FLNB: variants seen among roughly 807,000 people sequenced by gnomAD.
FLNB encodes filamin-B.
FLNB carries 111 observed loss-of-function variants against 250.6 expected under a neutral mutation model. The observed-to-expected ratio is 0.44, with a 90% CI of 0.38 to 0.52. The LOEUF (loss-of-function observed/expected upper bound fraction) is 0.52. Among genes scored for constraint, FLNB ranks in the 20% least tolerant of loss-of-function variants. The probability of loss-of-function intolerance (pLI) is 0.00; values close to 1 mark genes in which losing one functional copy is unlikely to be tolerated. For synonymous variants in FLNB, 1,302 were observed against 1,372.1 expected (o/e 0.95, Z 1.13); for missense variants, 2,869 against 3,447.8 (o/e 0.83, Z 4.20).
chr3:58,035,500 C>A (rs943467331), intron 1 of FLNB, among the ~76,000 whole-genome samples: 1 of 152,040 alleles, frequency 6.6e-6, no homozygotes, highest in African/African-American at 2.4e-5. Flanking sequence ...ATGTACCCCA[C>A]CCCCAACTTT....
At chr3:58,166,015 C>G (rs1158851689) in intron 43 of FLNB, 1 of 152,008 alleles carries the variant, frequency 6.6e-6, no homozygotes, top group Non-Finnish European at 1.5e-5. Flanking sequence ...TGCTTTAGCT[C>G]CAAGTTGGAC....
rs567046834 is a variant in FLNB, at chr3:58,092,117, C to T, written c.788-2719C>T. ...CATAAACAGTTTCTGCTGAAGAGAA[C>T]GTCCATATGACAAAAAAACACATCG... On this transcript the variant is annotated intron_variant, in intron 4 of 45. Coordinates refer to ENST00000295956, the MANE Select transcript of FLNB (RefSeq NM_001457.4). Among the ~76,000 whole-genome samples, 5 of 152,250 alleles carry T rather than the reference C, an allele frequency of 3.3e-5. No individual in the cohort carries two copies. The South Asian group carries it at 6.2e-4, about 19-fold the overall frequency.
intron 5 of FLNB, among the ~76,000 whole-genome samples, chr3:58,095,363 G>T (rs138861008): frequency 1.3e-5 from 2 of 151,986 alleles, no homozygotes; most frequent in Non-Finnish European, 2.9e-5. Flanking sequence ...GCCTCAGCCC[G>T]GCTAATTTTT....
Position 58,142,746 on chromosome 3 carries a change from A to C in FLNB, c.5278A>C (p.Ile1760Leu). ...TCCGTTTGCTGTCAGGAAAGGAGAA[A>C]TCACTGGTAAGCACTTGCCATAAAG... is the stretch of plus-strand genomic sequence containing the variant. ...VIPFAVRKGE[I>L]TGEVHMPSGK... is the part of the protein sequence containing the mutation. The change falls in exon 31 of 46, where the codon ATC becomes CTC. Residue 1760 changes from isoleucine to leucine, a missense_variant. Coordinates refer to ENST00000295956, the MANE Select transcript of FLNB (RefSeq NM_001457.4). This position sits in a 1 kb window ranked among gnomAD's most constrained non-coding sequence, Gnocchi z 4.3. The C allele has an allele frequency of 2.5e-6, 4 of 1,613,884 alleles. No individual in the cohort carries two copies. Among genetic ancestry groups the C allele is most frequent in the Non-Finnish European group, 3.4e-6 (4 of 1,179,736 alleles).
intron 31 of FLNB, 100 bp from the exon 32 acceptor site, chr3:58,143,373 T>A (rs1326480543): frequency 3.1e-6 from 4 of 1,271,710 alleles, no homozygotes; most frequent in Non-Finnish European, 4.5e-6. Context: ...TGTTCTTGGG[T>A]CTGGAAACCT....
chr3:58,163,133 T>C, intron 42 of FLNB, 21 bp from the exon 43 acceptor site: 1 of 1,613,814 alleles, frequency 6.2e-7, no homozygotes, highest in Non-Finnish European at 8.5e-7. Flanking sequence ...TTTCACCCTG[T>C]GCCTTTGCTC....
At chr3:58,042,609 G>A (rs1305438867) in intron 1 of FLNB, among the ~76,000 whole-genome samples, 1 of 152,010 alleles carries the variant, frequency 6.6e-6, no homozygotes, top group Non-Finnish European at 1.5e-5. Flanking sequence ...CAACCTCCCA[G>A]GCTTAAGGGA....
chr3:58,110,428 A>AT (rs988505239), intron 16 of FLNB, among the ~76,000 whole-genome samples: 6 of 145,142 alleles, frequency 4.1e-5, no homozygotes, highest in Admixed American at 7.0e-5. Context: ...CACCCAGCTA[A>AT]TTTTTTTTTA....
intron 20 of FLNB, among the ~76,000 whole-genome samples, chr3:58,122,354 G>A (rs1559709183): frequency 1.3e-5 from 2 of 150,674 alleles, no homozygotes; most frequent in Non-Finnish European, 3.0e-5. Flanking sequence ...TTAGCTGGGT[G>A]TGGTGACGCA....
chr3:58,020,821 A>G (rs1451813186), intron 1 of FLNB, among the ~76,000 whole-genome samples: 2 of 151,876 alleles, frequency 1.3e-5, no homozygotes, highest in Non-Finnish European at 2.9e-5. Flanking sequence ...GATTTGTGGC[A>G]GGCACTATGT....
intron 4 of FLNB, among the ~76,000 whole-genome samples, chr3:58,092,847 G>C (rs962582536): frequency 6.6e-6 from 1 of 152,038 alleles, no homozygotes; most frequent in Non-Finnish European, 1.5e-5. Flanking sequence ...TTTCGCTTCC[G>C]GTCACCAAAA....
At chr3:58,065,199 G>A (rs1024180950) in intron 1 of FLNB, among the ~76,000 whole-genome samples, 62 of 152,296 alleles carry the variant, frequency 4.1e-4, no homozygotes, top group African/African-American at 1.3e-3. Context: ...CCTCGGCAGC[G>A]CAGGCATCAT....
intron 8 of FLNB, among the ~76,000 whole-genome samples, chr3:58,100,629 ACT>A (rs1337842691): frequency 2.4e-5 from 3 of 125,714 alleles, no homozygotes; most frequent in African/African-American, 9.7e-5. Flanking sequence ...ACAGAGTCTC[ACT>A]CTCTCACCCA....
Position 58,081,721 on chromosome 3 carries a change from G to C in FLNB, c.732G>C (p.Pro244=). Residue 244 remains proline, a synonymous_variant, in exon 4 of 46, where the codon CCG becomes CCC. Transcript: ENST00000295956. ...LSQFPKAKLK[P]GAPLKPKLNP... ...AGTTCCCCAAAGCCAAGCTCAAGCC[G>C]GGGGCTCCTCTCAAACCCAAACTCA... The C allele has an allele frequency of 6.2e-7, 1 of 1,613,962 alleles. No homozygotes were observed. The highest frequency in any genetic ancestry group is 8.5e-7 in the Non-Finnish European group (1 of 1,179,944).
chr3:58,029,400 G>T (rs1031562482), intron 1 of FLNB, among the ~76,000 whole-genome samples: 4 of 152,096 alleles, frequency 2.6e-5, no homozygotes, highest in Admixed American at 6.5e-5. Context: ...TGGGATAATG[G>T]GATATGAAGC....
At chr3:58,133,452 A>G (rs1253138412) in intron 26 of FLNB, among the ~76,000 whole-genome samples, 9 of 150,186 alleles carry the variant, frequency 6.0e-5, no homozygotes, top group East Asian at 1.9e-4. Flanking sequence ...AAAAAAAAAA[A>G]AAAAAAAAAA....
intron 1 of FLNB, among the ~76,000 whole-genome samples, chr3:58,061,317 T>A (rs555801131): frequency 1.4e-4 from 22 of 152,214 alleles, no homozygotes; most frequent in African/African-American, 1.7e-4. Flanking sequence ...TACCTGTTGA[T>A]TTTCCCACGT....
chr3:58,159,774 C>A, intron 42 of FLNB, 88 bp downstream of exon 42: 5 of 1,397,952 alleles, frequency 3.6e-6, no homozygotes, highest in South Asian at 2.4e-5. Context: ...GAGGGCTGAT[C>A]AGTTTCATTA....
chr3:58,112,397 C>A, intron 18 of FLNB, 79 bp downstream of exon 18: 1 of 1,433,384 alleles, frequency 7.0e-7, no homozygotes, highest in Non-Finnish European at 9.8e-7. Context: ...TCACTGTGGA[C>A]ACCAAGGGGT....
Sources: gnomAD v4.1 joint callset for allele counts (sites outside exome capture counted in the v4.1 genomes callset) on GRCh38, gnomAD v4.1.1 for gene constraint, Gnocchi (gnomAD v3.1) non-coding constraint, MANE v1.5 for transcripts, NCBI Gene and HGNC (gene_info 2026-07-23, HGNC 2026-07-21) for gene names.